The following HS6ST3 variants were observed in gnomAD, a reference collection of about 807,000 sequenced individuals.
HS6ST3 encodes the protein heparan sulfate 6-O-sulfotransferase 3.
A neutral mutation model predicts 36.7 loss-of-function variants in HS6ST3; 12 were observed. The ratio of observed to expected loss-of-function variants is 0.33; its 90% CI spans 0.21 to 0.53. HS6ST3 has a LOEUF of 0.53. HS6ST3 is among the 20% of genes least tolerant of loss of function. The pLI is 0.95. For synonymous variants in HS6ST3, 240 were observed against 257.5 expected (o/e 0.93, Z 0.65); for missense variants, 584 against 640.9 (o/e 0.91, Z 0.96).
intron 1 of HS6ST3, among the ~76,000 whole-genome samples, chr13:96,128,058 G>A (rs140704522): frequency 2.6e-5 from 4 of 152,266 alleles, no homozygotes; most frequent in East Asian, 1.9e-4. Flanking sequence ...CAAAGGCTTC[G>A]TGAATTGCTT....
intron 1 of HS6ST3, among the ~76,000 whole-genome samples, chr13:96,589,056 A>G (rs1050012799): frequency 8.1e-5 from 10 of 123,902 alleles, no homozygotes; most frequent in Non-Finnish European, 1.2e-4. Context: ...ATCTCAAGAG[A>G]AAAAAAAAAA....
At chr13:96,286,764 A>G (rs2054805431) in intron 1 of HS6ST3, among the ~76,000 whole-genome samples, 2 of 152,026 alleles carry the variant, frequency 1.3e-5, no homozygotes, top group Non-Finnish European at 2.9e-5. Context: ...TGAGAGGAAG[A>G]CTGGGGGTTT....
intron 1 of HS6ST3, among the ~76,000 whole-genome samples, chr13:96,096,135 G>A (rs923688521): frequency 2.0e-5 from 3 of 152,008 alleles, no homozygotes; most frequent in African/African-American, 7.3e-5. Flanking sequence ...GAAAGAATGT[G>A]TAATATTTAA....
intron 1 of HS6ST3, among the ~76,000 whole-genome samples, chr13:96,418,418 A>G (rs1007218124): frequency 3.3e-5 from 5 of 152,196 alleles, no homozygotes; most frequent in Non-Finnish European, 7.3e-5. Context: ...TATATATGAT[A>G]TATGTTAAAT....
intron 1 of HS6ST3, among the ~76,000 whole-genome samples, chr13:96,647,500 A>C (rs2056592775): frequency 6.6e-6 from 1 of 152,000 alleles, no homozygotes; most frequent in African/African-American, 2.4e-5. Context: ...TGACTGTTTA[A>C]GTGCGATGCC....
chr13:96,147,635 A>G (rs549427827), intron 1 of HS6ST3, among the ~76,000 whole-genome samples: 1 of 152,318 alleles, frequency 6.6e-6, no homozygotes, highest in South Asian at 2.1e-4. Flanking sequence ...ATGTCTACAC[A>G]GTCCCAGTCT....
intron 1 of HS6ST3, among the ~76,000 whole-genome samples, chr13:96,112,146 T>G (rs1054343382): frequency 1.3e-5 from 2 of 152,162 alleles, no homozygotes; most frequent in South Asian, 4.1e-4. Context: ...ATTATATTTA[T>G]GAGTTGAATG....
chr13:96,801,358 A>G (rs755676310), intron 1 of HS6ST3, among the ~76,000 whole-genome samples: 1 of 152,118 alleles, frequency 6.6e-6, no homozygotes, highest in Non-Finnish European at 1.5e-5. Flanking sequence ...ATTCTGGATT[A>G]GGTATTTTAA....
intron 1 of HS6ST3, among the ~76,000 whole-genome samples, chr13:96,806,054 A>T (rs1878191465): frequency 6.6e-6 from 1 of 152,186 alleles, no homozygotes; most frequent in African/African-American, 2.4e-5. Context: ...TTAAGTATTT[A>T]TGCACCCTAA....
At chr13:96,586,590 C>T (rs186801323) in intron 1 of HS6ST3, among the ~76,000 whole-genome samples, 7 of 152,316 alleles carry the variant, frequency 4.6e-5, no homozygotes, top group African/African-American at 1.7e-4. Flanking sequence ...GCCACCATAC[C>T]TGGCCTTGAA....
chr13:96,111,213 T>A (rs2053866973), intron 1 of HS6ST3, among the ~76,000 whole-genome samples: 1 of 152,230 alleles, frequency 6.6e-6, no homozygotes, highest in Non-Finnish European at 1.5e-5. Flanking sequence ...ACTCCATTTT[T>A]AGCATATATA....
chr13:96,335,217 A>G (rs563919967), intron 1 of HS6ST3, among the ~76,000 whole-genome samples: 1 of 152,268 alleles, frequency 6.6e-6, no homozygotes, highest in Non-Finnish European at 1.5e-5. Flanking sequence ...ACACCAAGGG[A>G]GAAGGTAGAA....
chr13:96,182,710 T>G (rs890233320), intron 1 of HS6ST3, among the ~76,000 whole-genome samples: 2 of 152,202 alleles, frequency 1.3e-5, no homozygotes, highest in African/African-American at 4.8e-5. Flanking sequence ...CTGTTGTGAA[T>G]AAGCAAATAA....
At chr13:96,189,901 G>A (rs2054281250) in intron 1 of HS6ST3, among the ~76,000 whole-genome samples, 1 of 152,196 alleles carries the variant, frequency 6.6e-6, no homozygotes, top group African/African-American at 2.4e-5. Flanking sequence ...TCCACAGGGT[G>A]GAGGTAGGGC....
intron 1 of HS6ST3, among the ~76,000 whole-genome samples, chr13:96,095,509 G>A (rs780579488): frequency 7.2e-5 from 11 of 152,216 alleles, no homozygotes; most frequent in Non-Finnish European, 1.3e-4. Flanking sequence ...ATTTATTTCA[G>A]CCAGAGGGGA....
chr13:96,799,203 T>A (rs191650206), intron 1 of HS6ST3, among the ~76,000 whole-genome samples: 337 of 152,250 alleles, frequency 2.2e-3, no homozygotes, highest in Non-Finnish European at 3.9e-3. Context: ...TCCACAATGG[T>A]TGAACTAGTT....
intron 1 of HS6ST3, among the ~76,000 whole-genome samples, chr13:96,346,156 G>A (rs1054468202): frequency 3.9e-5 from 6 of 152,138 alleles, no homozygotes; most frequent in African/African-American, 4.8e-5. Flanking sequence ...GGATCAGTAC[G>A]GTCCATGGCC....
intron 1 of HS6ST3, among the ~76,000 whole-genome samples, chr13:96,763,053 C>T (rs960764732): frequency 6.6e-6 from 1 of 152,046 alleles, no homozygotes; most frequent in Non-Finnish European, 1.5e-5. Context: ...ACATGATTCA[C>T]ATATATGAGA....
At chr13:96,637,335 TG>T (rs917587762) in intron 1 of HS6ST3, among the ~76,000 whole-genome samples, 12 of 152,106 alleles carry the variant, frequency 7.9e-5, no homozygotes, top group Non-Finnish European at 1.6e-4. Context: ...GTACACTGTG[TG>T]GGTACAGAAA....
Sources: allele counts gnomAD v4.1 joint callset (sites outside exome capture counted in the v4.1 genomes callset), GRCh38; gene constraint gnomAD v4.1.1; transcripts MANE v1.5; gene names NCBI Gene and HGNC (gene_info 2026-07-23, HGNC 2026-07-21).